Variants in CATSPERE observed in about 807,000 individuals in gnomAD.
The protein encoded by CATSPERE is cation channel sperm-associated auxiliary subunit epsilon.
A neutral mutation model predicts 114.1 loss-of-function variants in CATSPERE; 93 were observed. That is an observed-to-expected ratio of 0.81 (90% CI 0.69 to 0.97). The LOEUF (loss-of-function observed/expected upper bound fraction) is 0.97, where lower values mean the gene tolerates loss of function less well. Ranked by LOEUF, CATSPERE falls within the 50% of genes least tolerant of loss-of-function variation. The pLI, the probability that CATSPERE is intolerant of heterozygous loss-of-function variation, is 0.00. For missense variants in CATSPERE, 1,058 were observed against 1,131.6 expected (o/e 0.93, Z 0.93); for synonymous variants, 341 against 384.1 (o/e 0.89, Z 1.31).
At chr1:244,639,665 G>A (rs1480516620) in intron 21 of CATSPERE, among the ~76,000 whole-genome samples, 1 of 136,262 alleles carries the variant, frequency 7.3e-6, no homozygotes, top group Admixed American at 7.8e-5. Flanking sequence ...GGTGACAGAG[G>A]GAGACTCCAT....
At chr1:244,494,598 A>G (rs1045656305) in intron 6 of CATSPERE, among the ~76,000 whole-genome samples, 6 of 151,184 alleles carry the variant, frequency 4.0e-5, no homozygotes, top group Non-Finnish European at 8.9e-5. Flanking sequence ...AACTTAAAGT[A>G]TAATAAAAAA....
chr1:244,608,957 G>A (rs1458467483), intron 18 of CATSPERE, among the ~76,000 whole-genome samples: 4 of 152,092 alleles, frequency 2.6e-5, no homozygotes, highest in African/African-American at 9.7e-5. Flanking sequence ...GGGAGGCTGA[G>A]GCAGGTGATC....
At chr1:244,486,194 C>G (rs536221693) in intron 5 of CATSPERE, among the ~76,000 whole-genome samples, 8 of 152,378 alleles carry the variant, frequency 5.3e-5, no homozygotes, top group African/African-American at 1.7e-4. Context: ...TTTAGTCACT[C>G]TCACTACCTG....
intron 8 of CATSPERE, among the ~76,000 whole-genome samples, chr1:244,526,201 A>G (rs558572074): frequency 6.6e-6 from 1 of 152,268 alleles, no homozygotes; most frequent in Middle Eastern, 3.4e-3. Flanking sequence ...TGAGCTCAGG[A>G]GTTAAGACCA....
rs576566190 is a variant in CATSPERE, at chr1:244,491,200, G to A, written c.351+729G>A. On this transcript the variant is annotated intron_variant, in intron 6 of 21. Coordinates refer to ENST00000366534, the MANE Select transcript of CATSPERE (RefSeq NM_001130957.2). ...AATTGACCACATACTTGGAAGTAAA[G>A]CTCTCCTCAGCAAATGTAAAAGAAC... Among the ~76,000 whole-genome samples the A allele has an allele frequency of 3.1e-4, 47 of 152,052 alleles. 1 individual carries two copies. The South Asian group carries it at 7.5e-3, about 24-fold the overall frequency.
chr1:244,491,825 AATAAACT>A (rs898775013), intron 6 of CATSPERE, among the ~76,000 whole-genome samples: 3 of 152,234 alleles, frequency 2.0e-5, no homozygotes, highest in Non-Finnish European at 2.9e-5. Context: ...CCTCTACACA[AATAAACT>A]AGAAAATCCA....
intron 19 of CATSPERE, among the ~76,000 whole-genome samples, chr1:244,613,256 C>G (rs754364260): frequency 6.6e-6 from 1 of 151,912 alleles, no homozygotes; most frequent in African/African-American, 2.4e-5. Context: ...GAACCCTTCA[C>G]CAAAAAATAT....
rs746360116 is a variant in CATSPERE, at chr1:244,560,757, T to C, written c.1119T>C (p.Thr373=). 2.9e-5 allele frequency: 46 copies of C among 1,614,008 alleles called. No homozygotes were observed. Among genetic ancestry groups the C allele is most frequent in the Non-Finnish European group, 1.0e-5 (12 of 1,179,958 alleles). ...TTCTTAAGTTTGCCAGATTAGTAAC[T>C]ACCACAGAACTGAAAAACATCCTAA... ...SILLKFARLV[T]TTELKNILSL... Residue 373 remains threonine (T), a synonymous_variant, in exon 10 of 22, where the codon ACT becomes ACC. Coordinates refer to ENST00000366534, the MANE Select transcript of CATSPERE (RefSeq NM_001130957.2).
chr1:244,479,439 T>C (rs1279115725), intron 4 of CATSPERE, among the ~76,000 whole-genome samples: 1 of 152,182 alleles, frequency 6.6e-6, no homozygotes, highest in Non-Finnish European at 1.5e-5. Flanking sequence ...CGAAAGCATC[T>C]TTGGGCATTG....
At chr1:244,514,712 C>G (rs1418224968) in intron 7 of CATSPERE, among the ~76,000 whole-genome samples, 1 of 151,640 alleles carries the variant, frequency 6.6e-6, no homozygotes, top group African/African-American at 2.4e-5. Context: ...ACCTGTAGTC[C>G]CAGCTACTCA....
chr1:244,505,332 A>G (rs893609012), intron 7 of CATSPERE, among the ~76,000 whole-genome samples: 13 of 152,150 alleles, frequency 8.5e-5, no homozygotes, highest in African/African-American at 2.9e-4. Context: ...AGAGAAAGGT[A>G]TTAGACATCA....
At chr1:244,545,223 C>CT (rs751292613) in intron 8 of CATSPERE, among the ~76,000 whole-genome samples, 1 of 152,194 alleles carries the variant, frequency 6.6e-6, no homozygotes, top group African/African-American at 2.4e-5. Context: ...GGCATGAGAC[C>CT]TATCAGGATA....
Position 244,635,486 on chromosome 1 carries a change from C to T in CATSPERE, c.2649-3C>T. On this transcript the variant is annotated splice_region_variant and splice_polypyrimidine_tract_variant and intron_variant, in intron 20 of 21. Coordinates refer to ENST00000366534, the MANE Select transcript of CATSPERE (RefSeq NM_001130957.2). ...TCTTTCATATTATTTTTCTGCTTTG[C>T]AGTTTCTGTAACCTAACAGCTATGT... The T allele has an allele frequency of 6.2e-7, 1 of 1,607,672 alleles. No homozygotes were observed. Among genetic ancestry groups the T allele is most frequent in the East Asian group, 2.2e-5 (1 of 44,794 alleles).
Position 244,504,531 on chromosome 1 carries a change from A to G in CATSPERE, c.429+5452A>G, listed in dbSNP as rs184773643. Among the ~76,000 whole-genome samples, 334 of 152,338 alleles carry G rather than the reference A, an allele frequency of 2.2e-3. 2 individuals are homozygous for G. Among genetic ancestry groups the G allele is most frequent in the Middle Eastern group, 6.8e-3 (2 of 294 alleles). ...ATTCCAGAATCCCACCAGGAATAGC[A>G]AATTATATTTAGTTGTCTTGTCTCT... On this transcript the variant is annotated intron_variant, in intron 7 of 21. Coordinates refer to ENST00000366534, the MANE Select transcript of CATSPERE (RefSeq NM_001130957.2). This position sits in a 1 kb window ranked among gnomAD's most constrained non-coding sequence, Gnocchi z 4.1.
At chr1:244,494,385 A>G (rs953357290) in intron 6 of CATSPERE, among the ~76,000 whole-genome samples, 5 of 143,010 alleles carry the variant, frequency 3.5e-5, no homozygotes, top group Admixed American at 7.5e-5. Context: ...TCTCACTCAT[A>G]GGTGGGAATT....
Position 244,572,513 on chromosome 1 carries a change from A to G in CATSPERE, c.1691A>G (p.Gln564Arg), listed in dbSNP as rs142692547. ...YALDDGTIQI[Q>R]DYPLHLEAQS... ...TTGGATGATGGCACAATACAAATAC[A>G]GGACTATCCCTTACATCTGGAAGCA... The change falls in exon 11 of 22, where the codon CAG becomes CGG. Residue 564 changes from glutamine (Q) to arginine (R), a missense_variant. Around this residue, in one of 2 missense-constraint regions of CATSPERE, gnomAD observed 787 missense variants for 905.6 expected, o/e 0.87. Transcript: ENST00000366534. 9.4e-5 allele frequency: 152 copies of G among 1,614,034 alleles called. No homozygotes were observed. Among genetic ancestry groups the G allele is most frequent in the Admixed American group, 1.3e-4 (8 of 60,014 alleles).
chr1:244,608,535 CAAA>C (rs150288682), intron 18 of CATSPERE, among the ~76,000 whole-genome samples: 5 of 111,900 alleles, frequency 4.5e-5, no homozygotes, highest in Non-Finnish European at 5.8e-5. Context: ...GATCCTGTCT[CAAA>C]AAAAAAAAAA....
chr1:244,487,771 C>CCAGGGAGG (rs1240999554), intron 5 of CATSPERE, among the ~76,000 whole-genome samples: 1 of 152,088 alleles, frequency 6.6e-6, no homozygotes, highest in East Asian at 1.9e-4. Flanking sequence ...ATAATCCATC[C>CCAGGGAGG]CAGGGAGGCA....
At chr1:244,508,410 C>T (rs1413985046) in intron 7 of CATSPERE, among the ~76,000 whole-genome samples, 1 of 151,266 alleles carries the variant, frequency 6.6e-6, no homozygotes, top group South Asian at 2.1e-4. Context: ...ACACCATTCT[C>T]CTGCCTCAGC....
Sources: allele counts gnomAD v4.1 joint callset (sites outside exome capture counted in the v4.1 genomes callset), GRCh38; gene constraint gnomAD v4.1.1; regional missense constraint gnomAD v4.1.1; non-coding constraint Gnocchi (gnomAD v3.1); transcripts MANE v1.5; gene names NCBI Gene and HGNC (gene_info 2026-07-23, HGNC 2026-07-21).